WWTR1: variants seen among roughly 807,000 people sequenced by gnomAD.
WWTR1 encodes the protein WW domain-containing transcription regulator protein 1.
A neutral mutation model predicts 40.1 loss-of-function variants in WWTR1; 13 were observed. The ratio of observed to expected loss-of-function variants is 0.32; its 90% CI spans 0.21 to 0.52. The LOEUF (loss-of-function observed/expected upper bound fraction) is 0.52. WWTR1 is among the 20% of genes least tolerant of loss of function. The pLI is 0.97. For synonymous variants in WWTR1, 230 were observed against 210.1 expected, an observed-to-expected ratio of 1.09 and a Z score of -0.82; for missense variants, 436 against 523.1, an observed-to-expected ratio of 0.83 and a Z score of 1.63.
chr3:149,711,600 C>G (rs1715479267), intron 5 of WWTR1, among the ~76,000 whole-genome samples: 2 of 152,192 alleles, frequency 1.3e-5, no homozygotes, highest in South Asian at 4.1e-4. Flanking sequence ...TGAACTTGCA[C>G]CCAGATCACA....
intron 4 of WWTR1, among the ~76,000 whole-genome samples, chr3:149,531,156 A>C (rs1371320281): frequency 6.6e-6 from 1 of 152,178 alleles, no homozygotes; most frequent in Non-Finnish European, 1.5e-5. Flanking sequence ...GCTGGTCTCG[A>C]ACTCCTGGCC....
intron 3 of WWTR1, among the ~76,000 whole-genome samples, chr3:149,557,907 G>A (rs562848715): frequency 2.8e-4 from 43 of 151,094 alleles, no homozygotes; most frequent in Admixed American, 1.8e-3. Flanking sequence ...GGAGGCTGAG[G>A]CACGAGAATC....
chr3:149,666,364 G>T (rs1713818391), intron 2 of WWTR1, among the ~76,000 whole-genome samples: 1 of 152,224 alleles, frequency 6.6e-6, no homozygotes, highest in South Asian at 2.1e-4. Flanking sequence ...CAGTGCCTGT[G>T]GGCACCAGTT....
At chr3:149,667,806 C>T (rs1412423687) in intron 2 of WWTR1, among the ~76,000 whole-genome samples, 1 of 152,174 alleles carries the variant, frequency 6.6e-6, no homozygotes, top group Non-Finnish European at 1.5e-5. Context: ...TGATTTTAGA[C>T]AAGAGAAATT....
chr3:149,530,168 A>C (rs1440583687), intron 4 of WWTR1, among the ~76,000 whole-genome samples: 1 of 152,110 alleles, frequency 6.6e-6, no homozygotes, highest in Non-Finnish European at 1.5e-5. Context: ...TAACAAGGTG[A>C]AACCCTGTCT....
At position 149,517,525 on chromosome 3, in the gene WWTR1, A is replaced by G. The variant is rs1734842979; in HGVS notation, c.*3280T>C. ...TTTTTAACAGCTTATTTTTTTCATA[A>G]AAGTTGTACTTTGAGAAGTTACTTT... is the stretch of plus-strand genomic sequence containing the variant. On this transcript the variant is annotated 3_prime_UTR_variant, in exon 7 of 7. Coordinates refer to ENST00000360632, the MANE Select transcript of WWTR1 (RefSeq NM_015472.6). 1 of 152,170 alleles carries G rather than the reference A, an allele frequency of 6.6e-6. No homozygotes were observed. The highest frequency in any genetic ancestry group is 1.5e-5 in the Non-Finnish European group (1 of 68,030). The allele number at this position is 152,170 out of a possible 1,614,324, so 9.4% of individuals were successfully genotyped here. A position where few individuals can be genotyped will look rare whatever the true frequency, so the allele number is the denominator to read the frequency against.
At chr3:149,687,522 G>C (rs1409484423) in intron 1 of WWTR1, among the ~76,000 whole-genome samples, 1 of 152,162 alleles carries the variant, frequency 6.6e-6, no homozygotes, top group African/African-American at 2.4e-5. Context: ...AATATACCAG[G>C]TTCACATGTT....
rs114884582 is a variant in WWTR1 at position 149,617,384 on chromosome 3, T to A, written c.431+39492A>T. 2.7e-3 allele frequency among the ~76,000 whole-genome samples: 417 copies of A among 152,316 alleles called. 5 individuals are homozygous for A. Among genetic ancestry groups the A allele is most frequent in the African/African-American group, 9.3e-3 (388 of 41,586 alleles). On this transcript the variant is annotated intron_variant, in intron 2 of 6. Coordinates refer to ENST00000360632, the MANE Select transcript of WWTR1 (RefSeq NM_015472.6). Reference sequence around the variant, plus strand: ...GATAAGTCAATGCACACACAGTGTGTGTGCTTTGCTGTGCTTCTTCAAGTT... The same window carrying A: ...GATAAGTCAATGCACACACAGTGTGAGTGCTTTGCTGTGCTTCTTCAAGTT...
chr3:149,666,844 C>T (rs1486668683), intron 2 of WWTR1, among the ~76,000 whole-genome samples: 2 of 152,334 alleles, frequency 1.3e-5, no homozygotes, highest in East Asian at 3.9e-4. Context: ...TTAATTACTT[C>T]CTCCTCTGTG....
At chr3:149,601,954 A>C (rs1172791326) in intron 2 of WWTR1, among the ~76,000 whole-genome samples, 1 of 152,126 alleles carries the variant, frequency 6.6e-6, no homozygotes, top group African/African-American at 2.4e-5. Context: ...TTGAAGTTAC[A>C]TTTACCCACA....
At chr3:149,613,124 T>G (rs1175106720) in intron 2 of WWTR1, among the ~76,000 whole-genome samples, 3 of 152,210 alleles carry the variant, frequency 2.0e-5, no homozygotes, top group Non-Finnish European at 4.4e-5. Context: ...GACTACACTC[T>G]GCTAGTGTTT....
chr3:149,715,775 A>T lies in WWTR1; in HGVS notation n.584+1667T>A, dbSNP rs552942061. On this transcript the variant is annotated intron_variant and non_coding_transcript_variant, in intron 5 of 6. Transcript: ENST00000474080. ...TATAAGTACAACTTAGTACATGTGG[A>T]TAAAGTGCTCTGCAGATATTAATTT... is the stretch of plus-strand genomic sequence containing the variant. Among the ~76,000 whole-genome samples, 6 of 152,362 alleles carry T rather than the reference A, an allele frequency of 3.9e-5. No homozygotes were observed. The South Asian group carries it at 1.2e-3, about 32-fold the overall frequency.
At chr3:149,681,633 G>A (rs1714461082) in intron 1 of WWTR1, among the ~76,000 whole-genome samples, 1 of 152,114 alleles carries the variant, frequency 6.6e-6, no homozygotes, top group South Asian at 2.1e-4. Context: ...TATGTTCATT[G>A]CAGCACTATT....
chr3:149,706,941 T>C (rs139168685), upstream of WWTR1, among the ~76,000 whole-genome samples: 321 of 152,290 alleles, frequency 2.1e-3, 2 homozygotes, highest in African/African-American at 7.3e-3. Context: ...AAGACTTTTA[T>C]AAGTTGGTCT....
intron 1 of WWTR1, among the ~76,000 whole-genome samples, chr3:149,676,094 G>A (rs1265978649): frequency 6.6e-6 from 1 of 152,102 alleles, no homozygotes; most frequent in Non-Finnish European, 1.5e-5. Flanking sequence ...ATGTCCTAAT[G>A]TCCACACCTA....
intron 1 of WWTR1, among the ~76,000 whole-genome samples, chr3:149,670,599 A>C (rs1051520703): frequency 4.7e-5 from 7 of 147,402 alleles, no homozygotes; most frequent in Non-Finnish European, 8.9e-5. Flanking sequence ...AGCCGAGATC[A>C]TGCCACCGCA....
Position 149,520,982 on chromosome 3 carries a change from G to A in WWTR1, c.1026C>T (p.Asn342=), listed in dbSNP as rs144765569. 4.8e-5 allele frequency: 76 copies of A among 1,591,386 alleles called. No individual in the cohort carries two copies. Among genetic ancestry groups the A allele is most frequent in the African/African-American group, 3.0e-4 (22 of 73,266 alleles). Residue 342 remains asparagine, a synonymous_variant, in exon 7 of 7, where the codon AAC becomes AAT. Coordinates refer to ENST00000360632, the MANE Select transcript of WWTR1 (RefSeq NM_015472.6). ...TGATGTTCATGGGTGTTTGTCCTGC[G>A]TTTTCTCCTATAACAAAATGAAAAG... ...SNVDEMDTGE[N]AGQTPMNINP...
At chr3:149,604,409 A>T (rs1335276465) in intron 2 of WWTR1, among the ~76,000 whole-genome samples, 1 of 152,230 alleles carries the variant, frequency 6.6e-6, no homozygotes, top group East Asian at 1.9e-4. Flanking sequence ...CTTAGCTAAA[A>T]GAGAAGTTAA....
At chr3:149,610,466 C>T (rs748134412) in intron 2 of WWTR1, among the ~76,000 whole-genome samples, 2 of 152,128 alleles carry the variant, frequency 1.3e-5, no homozygotes, top group East Asian at 3.9e-4. Context: ...TTACAAATGG[C>T]CACTCTTCGT....
Sources: gnomAD v4.1 joint callset for allele counts (sites outside exome capture counted in the v4.1 genomes callset) on GRCh38, gnomAD v4.1.1 for gene constraint, MANE v1.5 for transcripts, NCBI Gene and HGNC (gene_info 2026-07-23, HGNC 2026-07-21) for gene names.